Variants in CDH7 observed in about 807,000 individuals in gnomAD.
The protein encoded by CDH7 is cadherin 7.
A neutral mutation model predicts 71.8 loss-of-function variants in CDH7; 25 were observed. The observed-to-expected ratio is 0.35, with a 90% CI of 0.25 to 0.49. The LOEUF is 0.49. Among genes scored for constraint, CDH7 ranks in the 20% least tolerant of loss-of-function variants. The pLI is 0.99. For synonymous variants in CDH7, 381 were observed against 363.8 expected (o/e 1.05, Z -0.54); for missense variants, 862 against 974.6 (o/e 0.88, Z 1.54).
intron 7 of CDH7, among the ~76,000 whole-genome samples, chr18:65,846,036 CTTG>C (rs1307926411): frequency 6.6e-6 from 1 of 152,064 alleles, no homozygotes; most frequent in African/African-American, 2.4e-5. Context: ...TACCCACTCC[CTTG>C]TTGTCATTCT....
rs1395023143 is a variant in CDH7, at chr18:65,822,181, G to A, written c.726G>A (p.Leu242=). 1.9e-6 allele frequency: 3 copies of A among 1,613,196 alleles called. No homozygotes were observed. Among genetic ancestry groups the A allele is most frequent in the Non-Finnish European group, 2.5e-6 (3 of 1,179,338 alleles). Residue 242 remains leucine, a synonymous_variant, in exon 5 of 12, where the codon CTG becomes CTA. Transcript: ENST00000397968. ...AKDMVGQNGG[L]SGTTSVTVTL... is the part of the protein sequence containing the mutation. ...ATATGGTTGGTCAAAATGGAGGACT[G>A]TCAGGAACTACATCAGTCACTGTGA...
chr18:65,846,490 T>A (rs1422706540), intron 7 of CDH7, among the ~76,000 whole-genome samples: 1 of 152,216 alleles, frequency 6.6e-6, no homozygotes, highest in Non-Finnish European at 1.5e-5. Context: ...GTAGAATTAA[T>A]TTCTTGAGTC....
chr18:65,808,679 G>GT (rs764349854), intron 2 of CDH7, among the ~76,000 whole-genome samples: 265 of 150,850 alleles, frequency 1.8e-3, no homozygotes, highest in Non-Finnish European at 3.0e-3. Context: ...TTTCCTTGGT[G>GT]TTTTTTTTTC....
intron 1 of CDH7, among the ~76,000 whole-genome samples, chr18:65,756,490 A>T (rs1916033335): frequency 6.6e-6 from 1 of 152,230 alleles, no homozygotes; most frequent in African/African-American, 2.4e-5. Context: ...TTTTTAAAAG[A>T]GAGGCATAAC....
chr18:65,818,488 T>C (rs932530771), intron 4 of CDH7, among the ~76,000 whole-genome samples: 14 of 152,298 alleles, frequency 9.2e-5, no homozygotes, highest in African/African-American at 3.1e-4. Flanking sequence ...TTCAATCGTG[T>C]CTTTAATAGC....
intron 2 of CDH7, among the ~76,000 whole-genome samples, chr18:65,808,699 A>T (rs1911416470): frequency 6.6e-6 from 1 of 152,116 alleles, no homozygotes; most frequent in Non-Finnish European, 1.5e-5. Context: ...CATATGTTAT[A>T]TATCTTTAGC....
rs1268978335 is a variant in CDH7 at position 65,881,008 on chromosome 18, A to G, written c.*114A>G. ...AGAAAACAAGAACTCCCCTTGCTGG[A>G]GACAGATGGTTGTAAATATTTCTCC... On this transcript the variant is annotated 3_prime_UTR_variant, in exon 12 of 12. Coordinates refer to ENST00000397968, the MANE Select transcript of CDH7 (RefSeq NM_004361.5). The G allele has an allele frequency of 9.9e-7, 1 of 1,009,464 alleles. No individual in the cohort carries two copies. Among genetic ancestry groups the G allele is most frequent in the Non-Finnish European group, 1.4e-6 (1 of 713,440 alleles). 62.5% of individuals were successfully genotyped at this position (1,009,464 alleles called of 1,614,324 possible). A position where few individuals can be genotyped will look rare whatever the true frequency, so the allele number is the denominator to read the frequency against.
At position 65,880,390 on chromosome 18, in the gene CDH7, T is replaced by C. The variant is rs1164949331; in HGVS notation, c.1865-11T>C. On this transcript the variant is annotated splice_polypyrimidine_tract_variant and intron_variant, in intron 11 of 11. Coordinates refer to ENST00000397968, the MANE Select transcript of CDH7 (RefSeq NM_004361.5). ...TTACTGAAACTTTCTCTTCCTGTCTTATTGTTTCAGTGTTGATCCTCCTTA... is the reference window on the plus strand; with the variant it reads ...TTACTGAAACTTTCTCTTCCTGTCTCATTGTTTCAGTGTTGATCCTCCTTA... 59 of 1,525,870 alleles carry C rather than the reference T, an allele frequency of 3.9e-5. No homozygotes were observed. Among genetic ancestry groups the C allele is most frequent in the Non-Finnish European group, 5.1e-5 (58 of 1,142,052 alleles). 94.5% of individuals were successfully genotyped at this position (1,525,870 alleles called of 1,614,324 possible). A position where few individuals can be genotyped will look rare whatever the true frequency, so the allele number is the denominator to read the frequency against.
In CDH7 at chr18:65,851,711, G is replaced by A. The variant is rs1023647663; in HGVS notation, c.1236-6105G>A. On this transcript the variant is annotated intron_variant, in intron 7 of 11. Coordinates refer to ENST00000397968, the MANE Select transcript of CDH7 (RefSeq NM_004361.5). ...ATGAAAACTCATTTTAAAAAATTCAGTGTTAGATCTGAAAATGAGAATTCA... is the reference window on the plus strand; with the variant it reads ...ATGAAAACTCATTTTAAAAAATTCAATGTTAGATCTGAAAATGAGAATTCA... Among the ~76,000 whole-genome samples the A allele has an allele frequency of 3.3e-5, 5 of 152,302 alleles. 1 individual carries two copies. In the South Asian group the frequency reaches 8.3e-4, roughly 25 times the overall value.
chr18:65,842,520 G>C (rs933729056), intron 6 of CDH7, among the ~76,000 whole-genome samples: 1 of 151,726 alleles, frequency 6.6e-6, no homozygotes, highest in Admixed American at 6.6e-5. Context: ...GTGTATATGT[G>C]TGTATATATG....
At chr18:65,857,580 G>T (rs1340764003) in intron 7 of CDH7, among the ~76,000 whole-genome samples, 1 of 152,030 alleles carries the variant, frequency 6.6e-6, no homozygotes, top group Non-Finnish European at 1.5e-5. Flanking sequence ...GAAGATTACT[G>T]TGGTGTTCAT....
intron 6 of CDH7, among the ~76,000 whole-genome samples, chr18:65,839,470 C>T (rs1251996743): frequency 1.3e-5 from 2 of 152,136 alleles, no homozygotes; most frequent in Non-Finnish European, 2.9e-5. Context: ...TCCCACAGGT[C>T]CCACCTCCTA....
rs1259251115 is a variant in CDH7 at position 65,887,809 on chromosome 18, C to T, written c.*6915C>T. 6.6e-6 allele frequency: 1 copy of T among 152,058 alleles called. No individual in the cohort carries two copies. Among genetic ancestry groups the T allele is most frequent in the African/African-American group, 2.4e-5 (1 of 41,416 alleles). 9.4% of individuals were successfully genotyped at this position (152,058 alleles called of 1,614,324 possible). A position where few individuals can be genotyped will look rare whatever the true frequency, so the allele number is the denominator to read the frequency against. On this transcript the variant is annotated 3_prime_UTR_variant, in exon 12 of 12. Coordinates refer to ENST00000397968, the MANE Select transcript of CDH7 (RefSeq NM_004361.5). ...TAAAGTTTCTCTTTAGTAGAGATTT[C>T]AGAATTTTTTTTCTCAAATTTAGAG... is the stretch of plus-strand genomic sequence containing the variant.
intron 6 of CDH7, among the ~76,000 whole-genome samples, chr18:65,842,622 A>G (rs374711758): frequency 2.2e-4 from 34 of 151,964 alleles, no homozygotes; most frequent in South Asian, 1.0e-3. Context: ...ATCCTATTGT[A>G]TACTTATATA....
intron 2 of CDH7, among the ~76,000 whole-genome samples, chr18:65,786,195 C>A (rs902996602): frequency 1.3e-5 from 2 of 151,580 alleles, no homozygotes; most frequent in Admixed American, 6.6e-5. Context: ...TCAGGGAGAT[C>A]AATGAGAAAG....
intron 2 of CDH7, among the ~76,000 whole-genome samples, chr18:65,768,767 G>A (rs1057395150): frequency 7.2e-5 from 11 of 152,054 alleles, no homozygotes; most frequent in Non-Finnish European, 1.0e-4. Context: ...GGACTATATT[G>A]GGAGAAATTG....
At chr18:65,826,290 A>G (rs1168408951) in intron 6 of CDH7, among the ~76,000 whole-genome samples, 1 of 151,384 alleles carries the variant, frequency 6.6e-6, no homozygotes, top group Admixed American at 6.6e-5. Context: ...TCTTATAGGT[A>G]TCAATATCTG....
intron 4 of CDH7, among the ~76,000 whole-genome samples, chr18:65,817,770 A>G (rs1911773040): frequency 6.6e-6 from 1 of 152,186 alleles, no homozygotes; most frequent in Non-Finnish European, 1.5e-5. Context: ...TAAAAGTGCC[A>G]TACTTGATTT....
In CDH7 at chr18:65,762,766, A is replaced by G. The variant is rs1916229692; in HGVS notation, c.-77A>G. On this transcript the variant is annotated 5_prime_UTR_variant, in exon 2 of 12. Transcript: ENST00000397968. ...TGACACCCTGCCGGAGGCAAGAGCT[A>G]CTAAGCCAACTGGAACTGTGCCTTT... 3 of 1,264,934 alleles carry G rather than the reference A, an allele frequency of 2.4e-6. No individual in the cohort carries two copies. Among genetic ancestry groups the G allele is most frequent in the Non-Finnish European group, 3.3e-6 (3 of 910,916 alleles). 78.4% of individuals were successfully genotyped at this position (1,264,934 alleles called of 1,614,324 possible).
Sources: allele counts gnomAD v4.1 joint callset (sites outside exome capture counted in the v4.1 genomes callset), GRCh38; gene constraint gnomAD v4.1.1; transcripts MANE v1.5; gene names NCBI Gene and HGNC (gene_info 2026-07-23, HGNC 2026-07-21).